ZNF704: variants seen among roughly 807,000 people sequenced by gnomAD.
ZNF704 encodes zinc finger protein 704, also known as glucocorticoid induced gene 1.
Under a neutral mutation model 44.7 loss-of-function variants are expected in ZNF704, and 10 were observed. The ratio of observed to expected loss-of-function variants is 0.22; its 90% CI spans 0.14 to 0.38. The LOEUF is 0.38. Among genes scored for constraint, ZNF704 ranks in the 10% least tolerant of loss-of-function variants. ZNF704 has a pLI of 1.00. For synonymous variants in ZNF704, 211 were observed against 207.6 expected (o/e 1.02, Z -0.14); for missense variants, 390 against 545.5 (o/e 0.71, Z 2.84).
rs73264410 is a variant in ZNF704, at chr8:80,840,141, G to A, written c.-21-18526C>T. Among the ~76,000 whole-genome samples the A allele has an allele frequency of 5.9e-3, 902 of 152,198 alleles. 6 individuals carry two copies. The highest frequency in any genetic ancestry group is 0.02 in the African/African-American group (841 of 41,532). The stretch of plus-strand genomic sequence containing the variant: ...GCAATGAGGCCAGCCTGCAAGAGCT[G>A]AAAAAAAGATCTGTAAAATCAGGAG... On this transcript the variant is annotated intron_variant, in intron 1 of 8. Coordinates refer to ENST00000327835, the MANE Select transcript of ZNF704 (RefSeq NM_001033723.3).
chr8:80,691,774 A>T (rs568445552), intron 3 of ZNF704, among the ~76,000 whole-genome samples: 1 of 152,190 alleles, frequency 6.6e-6, no homozygotes, highest in South Asian at 2.1e-4. Flanking sequence ...CCTATTAAAC[A>T]TGTTTCCTAT....
intron 2 of ZNF704, among the ~76,000 whole-genome samples, chr8:80,713,434 T>C (rs756738934): frequency 1.3e-5 from 2 of 152,204 alleles, no homozygotes; most frequent in Non-Finnish European, 2.9e-5. Context: ...TGTCACCTTT[T>C]CAGTTCAGCT....
At chr8:80,767,008 C>T (rs758701584) in intron 2 of ZNF704, among the ~76,000 whole-genome samples, 11 of 152,088 alleles carry the variant, frequency 7.2e-5, no homozygotes, top group Non-Finnish European at 1.6e-4. Flanking sequence ...CCACTGAACC[C>T]GGCGCGTGAC....
intron 1 of ZNF704, among the ~76,000 whole-genome samples, chr8:80,823,932 T>G (rs1337010378): frequency 6.6e-6 from 1 of 152,084 alleles, no homozygotes; most frequent in Non-Finnish European, 1.5e-5. Context: ...GTCACCATCA[T>G]CAAAGACCAA....
intron 2 of ZNF704, among the ~76,000 whole-genome samples, chr8:80,763,335 T>C (rs1484086789): frequency 6.6e-6 from 1 of 152,230 alleles, no homozygotes; most frequent in Non-Finnish European, 1.5e-5. Flanking sequence ...GACATCCAGG[T>C]GTTTTCATAC....
At chr8:80,745,570 A>G (rs1267957651) in intron 2 of ZNF704, among the ~76,000 whole-genome samples, 1 of 152,192 alleles carries the variant, frequency 6.6e-6, no homozygotes, top group East Asian at 1.9e-4. Flanking sequence ...TAAGTAAGTG[A>G]TATACCTTAA....
At chr8:80,737,142 C>A (rs576430231) in intron 2 of ZNF704, among the ~76,000 whole-genome samples, 3 of 152,128 alleles carry the variant, frequency 2.0e-5, no homozygotes, top group Non-Finnish European at 4.4e-5. Context: ...ATCTCATGTT[C>A]GTTATCTACT....
At position 80,683,260 on chromosome 8, in the gene ZNF704, A is replaced by T. The variant is rs1260790817; in HGVS notation, c.558+3966T>A. ...ATTCTGCTAGACCTGGGCTTGACAA[A>T]GTTGGCTGGCTGACCTCCAGAGCTA... On this transcript the variant is annotated intron_variant, in intron 4 of 8. Coordinates refer to ENST00000327835, the MANE Select transcript of ZNF704 (RefSeq NM_001033723.3). 2.0e-5 allele frequency among the ~76,000 whole-genome samples: 3 copies of T among 152,312 alleles called. No homozygotes were observed. In the East Asian group the frequency reaches 5.8e-4, roughly 29 times the overall value.
intron 7 of ZNF704, 47 bp downstream of exon 7, chr8:80,659,538 T>C (rs1372541951): frequency 2.0e-6 from 3 of 1,513,020 alleles, no homozygotes; most frequent in Non-Finnish European, 9.2e-7. Flanking sequence ...AAATTTAGTC[T>C]ACATTGGCTT....
At chr8:80,780,380 G>A (rs1209401838) in intron 2 of ZNF704, among the ~76,000 whole-genome samples, 1 of 152,154 alleles carries the variant, frequency 6.6e-6, no homozygotes, top group Non-Finnish European at 1.5e-5. Flanking sequence ...GAAGCGGATG[G>A]AATCTTCAAG....
At chr8:80,669,892 G>A (rs1331045059) in intron 5 of ZNF704, among the ~76,000 whole-genome samples, 1 of 152,146 alleles carries the variant, frequency 6.6e-6, no homozygotes, top group Non-Finnish European at 1.5e-5. Context: ...TTAGAAGGCT[G>A]TTATATAATG....
intron 7 of ZNF704, among the ~76,000 whole-genome samples, chr8:80,658,341 C>G (rs917256441): frequency 4.7e-5 from 7 of 148,292 alleles, no homozygotes; most frequent in African/African-American, 1.5e-4. Context: ...GTGGCTGTCT[C>G]AAAAATGTAT....
Position 80,768,259 on chromosome 8 carries a change from T to A in ZNF704, c.221+53115A>T, listed in dbSNP as rs186245004. Among the ~76,000 whole-genome samples the A allele has an allele frequency of 2.2e-4, 34 of 152,290 alleles. No homozygotes were observed. In the East Asian group the frequency reaches 6.6e-3, roughly 29 times the overall value. ...ACTACAGTACAAAACTAATTAGGTTTTTTTTTCCTTTCAGACTCCTTAAAA... is the reference window on the plus strand; with the variant it reads ...ACTACAGTACAAAACTAATTAGGTTATTTTTTCCTTTCAGACTCCTTAAAA... On this transcript the variant is annotated intron_variant, in intron 2 of 8. Coordinates refer to ENST00000327835, the MANE Select transcript of ZNF704 (RefSeq NM_001033723.3).
At position 80,635,972 on chromosome 8, in the gene ZNF704, A is replaced by G. The variant is rs905409621; in HGVS notation, c.*5394T>C. On this transcript the variant is annotated 3_prime_UTR_variant, in exon 9 of 9. Coordinates refer to ENST00000327835, the MANE Select transcript of ZNF704 (RefSeq NM_001033723.3). ...ATTAATACTTCCTGCCTGGTAAAAT[A>G]CTATATTTTAAAAAATAAGCTACAA... 1.1e-4 allele frequency: 17 copies of G among 152,242 alleles called. No individual in the cohort carries two copies. Among genetic ancestry groups the G allele is most frequent in the Non-Finnish European group, 1.3e-4 (9 of 68,036 alleles). 9.4% of individuals were successfully genotyped at this position (152,242 alleles called of 1,614,324 possible).
At chr8:80,814,588 G>A (rs1323561192) in intron 2 of ZNF704, among the ~76,000 whole-genome samples, 1 of 152,174 alleles carries the variant, frequency 6.6e-6, no homozygotes, top group Admixed American at 6.5e-5. Context: ...TATTGCTTCA[G>A]TTCTTAAGGG....
intron 2 of ZNF704, among the ~76,000 whole-genome samples, chr8:80,782,550 CAT>C (rs750598740): frequency 2.6e-5 from 4 of 152,136 alleles, no homozygotes; most frequent in Non-Finnish European, 5.9e-5. Flanking sequence ...GAAATAATCA[CAT>C]GATATGTAGA....
At chr8:80,878,984 A>G (rs1304569901), upstream of ZNF704, among the ~76,000 whole-genome samples, 1 of 152,164 alleles carries the variant, frequency 6.6e-6, no homozygotes, top group Non-Finnish European at 1.5e-5. Context: ...AGAACGCTGG[A>G]TTGAGATTCC....
At chr8:80,734,118 C>T (rs577406558) in intron 2 of ZNF704, among the ~76,000 whole-genome samples, 1 of 152,282 alleles carries the variant, frequency 6.6e-6, no homozygotes, top group African/African-American at 2.4e-5. Flanking sequence ...TGTGAGAAAC[C>T]ACTATTGATA....
intron 2 of ZNF704, among the ~76,000 whole-genome samples, chr8:80,795,814 CCAACGTTTCT>C (rs528275422): frequency 6.6e-6 from 1 of 151,910 alleles, no homozygotes; most frequent in Non-Finnish European, 1.5e-5. Flanking sequence ...ATGAAATCAA[CCAACGTTTCT>C]CAATGAGGGT....
Sources: gnomAD v4.1 joint callset for allele counts (sites outside exome capture counted in the v4.1 genomes callset) on GRCh38, gnomAD v4.1.1 for gene constraint, MANE v1.5 for transcripts, NCBI Gene and HGNC (gene_info 2026-07-23, HGNC 2026-07-21) for gene names.